The following SND1 variants were observed in gnomAD, a reference collection of about 807,000 sequenced individuals.
The protein encoded by SND1 is staphylococcal nuclease and tudor domain containing 1.
SND1 carries 38 observed loss-of-function variants against 121.7 expected under a neutral mutation model. That is an observed-to-expected ratio of 0.31 (90% CI 0.24 to 0.41). The LOEUF (loss-of-function observed/expected upper bound fraction) is 0.41, where lower values mean the gene tolerates loss of function less well. Among genes scored for constraint, SND1 ranks in the 10% least tolerant of loss-of-function variants. The probability of loss-of-function intolerance (pLI) is 1.00; values close to 1 mark genes in which losing one functional copy is unlikely to be tolerated. For synonymous variants in SND1, 401 were observed against 447.4 expected (o/e 0.90, Z 1.31); for missense variants, 868 against 1,184.6 (o/e 0.73, Z 3.92).
chr7:127,715,599 T>C (rs1796372768), intron 9 of SND1, among the ~76,000 whole-genome samples: 1 of 152,186 alleles, frequency 6.6e-6, no homozygotes, highest in Non-Finnish European at 1.5e-5. Flanking sequence ...TGTTTTTTTG[T>C]TGTTGAGTTT....
chr7:127,822,319 C>T (rs1461448725), intron 11 of SND1, among the ~76,000 whole-genome samples: 1 of 152,110 alleles, frequency 6.6e-6, no homozygotes, highest in Non-Finnish European at 1.5e-5. Context: ...ATTTGTGTTT[C>T]AATTCTATGT....
At chr7:128,030,976 A>C (rs1792573617) in intron 16 of SND1, 2 of 170,162 alleles carry the variant, frequency 1.2e-5, no homozygotes, top group East Asian at 2.9e-4. Flanking sequence ...GGAGCTGGGC[A>C]CCTCGTTCCC....
At chr7:127,925,551 A>C (rs1800811260) in intron 14 of SND1, among the ~76,000 whole-genome samples, 1 of 152,008 alleles carries the variant, frequency 6.6e-6, no homozygotes, top group Non-Finnish European at 1.5e-5. Context: ...TGTAGTTGTT[A>C]TCTCTTTAAA....
intron 12 of SND1, among the ~76,000 whole-genome samples, chr7:127,846,075 C>T (rs1284468261): frequency 6.6e-6 from 1 of 152,104 alleles, no homozygotes; most frequent in Non-Finnish European, 1.5e-5. Context: ...GTCTGGGTTT[C>T]TATTACATTC....
chr7:127,805,381 GAGA>G (rs1394027526), intron 10 of SND1, among the ~76,000 whole-genome samples: 1 of 152,182 alleles, frequency 6.6e-6, no homozygotes, highest in African/African-American at 2.4e-5. Context: ...TATGATCTGG[GAGA>G]AGGAGCTACC....
chr7:127,792,957 C>T lies in SND1; in HGVS notation c.1153-14527C>T, dbSNP rs116841328. Among the ~76,000 whole-genome samples, 13 of 152,336 alleles carry T rather than the reference C, an allele frequency of 8.5e-5. No homozygotes were observed. The East Asian group carries it at 1.3e-3, about 16-fold the overall frequency. On this transcript the variant is annotated intron_variant, in intron 10 of 23. Coordinates refer to ENST00000354725, the MANE Select transcript of SND1 (RefSeq NM_014390.4). ...CCCTATTGGCAGAGCCTAAGGAAGCCAGGTGGCAAGGCAGAAATGGGGTTT... is the reference window on the plus strand; with the variant it reads ...CCCTATTGGCAGAGCCTAAGGAAGCTAGGTGGCAAGGCAGAAATGGGGTTT...
intron 1 of SND1, among the ~76,000 whole-genome samples, 183 bp downstream of exon 1, chr7:127,652,634 C>G (rs182627142): frequency 6.6e-6 from 1 of 152,196 alleles, no homozygotes; most frequent in Non-Finnish European, 1.5e-5. Context: ...CCCCTTGTTC[C>G]TTGCCTCCCG....
At chr7:127,713,566 T>A (rs1796332916) in intron 9 of SND1, among the ~76,000 whole-genome samples, 1 of 152,218 alleles carries the variant, frequency 6.6e-6, no homozygotes, top group Non-Finnish European at 1.5e-5. Context: ...ACAATCACCC[T>A]GTTTTTTAGG....
chr7:127,987,538 C>G (rs540745101), intron 15 of SND1, among the ~76,000 whole-genome samples: 1 of 152,302 alleles, frequency 6.6e-6, no homozygotes, highest in Non-Finnish European at 1.5e-5. Context: ...CAGTGGACAG[C>G]ATATTTTTTG....
At chr7:127,884,387 A>G (rs1229990232) in intron 12 of SND1, among the ~76,000 whole-genome samples, 1 of 152,162 alleles carries the variant, frequency 6.6e-6, no homozygotes, top group Non-Finnish European at 1.5e-5. Context: ...AGGAAACATA[A>G]TAGACTGACA....
chr7:128,045,816 T>C (rs1360830953), intron 16 of SND1, among the ~76,000 whole-genome samples: 1 of 152,236 alleles, frequency 6.6e-6, no homozygotes, highest in African/African-American at 2.4e-5. Context: ...CTTTCTTGGC[T>C]GCAAGATGAT....
chr7:127,677,341 A>G (rs1262837353), intron 1 of SND1, among the ~76,000 whole-genome samples: 1 of 152,212 alleles, frequency 6.6e-6, no homozygotes, highest in Non-Finnish European at 1.5e-5. Context: ...GAGCCAATTA[A>G]ATAACTTTCA....
At position 128,029,183 on chromosome 7, in the gene SND1, T is replaced by C; in HGVS notation, c.1779+38127T>C. 3 of 1,614,134 alleles carry C rather than the reference T, an allele frequency of 1.9e-6. No individual in the cohort carries two copies. Among genetic ancestry groups the C allele is most frequent in the East Asian group, 4.5e-5 (2 of 44,882 alleles). On this transcript the variant is annotated intron_variant, in intron 16 of 23. Coordinates refer to ENST00000354725, the MANE Select transcript of SND1 (RefSeq NM_014390.4). This position sits in a 1 kb window ranked among gnomAD's most constrained non-coding sequence, Gnocchi z 4.2. Reference sequence around the variant, plus strand: ...TGAGCACCGTGGTAGAGGTGGTATATGCCGGCTGGTAACCAGTGGACGTGG... The same window carrying C: ...TGAGCACCGTGGTAGAGGTGGTATACGCCGGCTGGTAACCAGTGGACGTGG...
chr7:128,081,035 C>T (rs1440276247), intron 17 of SND1, among the ~76,000 whole-genome samples: 1 of 151,764 alleles, frequency 6.6e-6, no homozygotes, highest in Non-Finnish European at 1.5e-5. Context: ...CTTGCACTGT[C>T]GCCCAGGCTG....
At chr7:127,726,472 A>G (rs1282548860) in intron 10 of SND1, among the ~76,000 whole-genome samples, 1 of 152,190 alleles carries the variant, frequency 6.6e-6, no homozygotes, top group African/African-American at 2.4e-5. Flanking sequence ...CTAAAGGTAT[A>G]GTTTGTTTTA....
intron 13 of SND1, among the ~76,000 whole-genome samples, chr7:127,890,850 A>G (rs1563049301): frequency 1.3e-5 from 2 of 152,174 alleles, no homozygotes; most frequent in Non-Finnish European, 2.9e-5. Flanking sequence ...TGAGCTGCCT[A>G]GAGATAATTG....
intron 10 of SND1, among the ~76,000 whole-genome samples, chr7:127,778,425 C>T (rs1012078966): frequency 1.3e-5 from 2 of 152,150 alleles, no homozygotes; most frequent in South Asian, 2.1e-4. Context: ...TCTCGATCTC[C>T]TGACCTTGTG....
Position 127,783,459 on chromosome 7 carries a change from C to G in SND1, c.1153-24025C>G, listed in dbSNP as rs1978496. Among the ~76,000 whole-genome samples, 645 of 152,316 alleles carry G rather than the reference C, an allele frequency of 4.2e-3. 7 individuals carry two copies. The highest frequency in any genetic ancestry group is 0.015 in the African/African-American group (619 of 41,568). On this transcript the variant is annotated intron_variant, in intron 10 of 23. Transcript: ENST00000354725. ...GTTAACAGACTACAGCAGCTTTGTG[C>G]TACAGCAGATTCGTTTGATGTCATA...
At chr7:127,738,867 C>A (rs1159307452) in intron 10 of SND1, among the ~76,000 whole-genome samples, 1 of 152,160 alleles carries the variant, frequency 6.6e-6, no homozygotes, top group Non-Finnish European at 1.5e-5. Context: ...TTCTTCCTAC[C>A]TTCCTGCCTC....
Sources: gnomAD v4.1 joint callset for allele counts (sites outside exome capture counted in the v4.1 genomes callset) on GRCh38, gnomAD v4.1.1 for gene constraint, Gnocchi (gnomAD v3.1) non-coding constraint, MANE v1.5 for transcripts, NCBI Gene and HGNC (gene_info 2026-07-23, HGNC 2026-07-21) for gene names.